SPATA13: variants seen among roughly 807,000 people sequenced by gnomAD.
SPATA13 encodes spermatogenesis associated 13.
A neutral mutation model predicts 104.0 loss-of-function variants in SPATA13; 50 were observed. That is an observed-to-expected ratio of 0.48 (90% CI 0.38 to 0.61). The LOEUF (loss-of-function observed/expected upper bound fraction) is 0.61. SPATA13 is among the 20% of genes least tolerant of loss of function. The probability of loss-of-function intolerance (pLI) is 0.00; values close to 1 mark genes in which losing one functional copy is unlikely to be tolerated. For synonymous variants in SPATA13, 606 were observed against 667.5 expected (o/e 0.91, Z 1.42); for missense variants, 1,524 against 1,690.6 (o/e 0.90, Z 1.73).
At chr13:23,980,667 C>A (rs973266274) in intron 1 of SPATA13, among the ~76,000 whole-genome samples, 1 of 152,196 alleles carries the variant, frequency 6.6e-6, no homozygotes, top group Non-Finnish European at 1.5e-5. Flanking sequence ...TCTTAGCTCA[C>A]TGAAACCTCT....
intron 3 of SPATA13, among the ~76,000 whole-genome samples, chr13:24,042,537 A>G (rs532568892): frequency 1.1e-4 from 16 of 152,322 alleles, no homozygotes; most frequent in African/African-American, 3.4e-4. Flanking sequence ...ACCGTGGACT[A>G]ACTCACATCT....
At position 24,223,063 on chromosome 13, in the gene SPATA13, T is replaced by A. The variant is rs753183522; in HGVS notation, c.134T>A (p.Leu45His). 1.3e-6 allele frequency: 2 copies of A among 1,551,666 alleles called. No individual in the cohort carries two copies. Among genetic ancestry groups the A allele is most frequent in the South Asian group, 2.4e-5 (2 of 84,064 alleles). Reference sequence around the variant, plus strand: ...AAAGACGCCAAGATGGTGACCTCCCTTGCGTGTGGAAATGGAGTCTGTGGC... The same window carrying A: ...AAAGACGCCAAGATGGTGACCTCCCATGCGTGTGGAAATGGAGTCTGTGGC... ...DLKDAKMVTS[L>H]ACGNGVCGCS... Residue 45 changes from leucine to histidine, a missense_variant, in exon 2 of 13, where the codon CTT (leucine) becomes CAT (histidine). Physicochemically the swap from Leu to His is moderately conservative, Grantham distance 99 (BLOSUM62 -3). This residue lies in a region of SPATA13 where 1,089 missense variants were observed against 1,135.9 expected (regional missense o/e 0.96). Transcript: ENST00000382108.
At chr13:24,273,645 A>G (rs1874772089) in intron 4 of SPATA13, among the ~76,000 whole-genome samples, 1 of 152,358 alleles carries the variant, frequency 6.6e-6, no homozygotes, top group African/African-American at 2.4e-5. Flanking sequence ...GAGTAGGGAC[A>G]GGATATAAAG....
At chr13:24,291,723 A>ACT (rs774822094) in intron 9 of SPATA13, among the ~76,000 whole-genome samples, 1 of 140,968 alleles carries the variant, frequency 7.1e-6, no homozygotes. Context: ...AACAAAATAC[A>ACT]CTCTCTCTCT....
chr13:24,271,313 TG>T (rs1422761845), intron 4 of SPATA13, among the ~76,000 whole-genome samples: 1 of 152,142 alleles, frequency 6.6e-6, no homozygotes, highest in African/African-American at 2.4e-5. Context: ...TACTGGTTTT[TG>T]CTTCTATTAC....
intron 3 of SPATA13, among the ~76,000 whole-genome samples, chr13:24,083,025 C>T (rs1209346430): frequency 6.6e-6 from 1 of 152,090 alleles, no homozygotes; most frequent in Non-Finnish European, 1.5e-5. Context: ...TGGAATAGCC[C>T]AAGCCTTCTA....
At chr13:24,021,946 C>T (rs145981300) in intron 3 of SPATA13, among the ~76,000 whole-genome samples, 2,269 of 152,066 alleles carry the variant, frequency 0.015, 23 homozygotes, top group Non-Finnish European at 0.023. Flanking sequence ...CTCCTGACCT[C>T]GTAATCTGCC....
chr13:24,014,952 G>A (rs1876643510), intron 2 of SPATA13, among the ~76,000 whole-genome samples: 2 of 146,362 alleles, frequency 1.4e-5, no homozygotes, highest in South Asian at 4.4e-4. Flanking sequence ...GTGCAGTGGC[G>A]CTATCTGGGC....
At chr13:24,225,351 T>G (rs1266184737) in intron 2 of SPATA13, among the ~76,000 whole-genome samples, 1 of 152,224 alleles carries the variant, frequency 6.6e-6, no homozygotes, top group African/African-American at 2.4e-5. Flanking sequence ...CCAGATGCAC[T>G]GTAGCTGGCT....
intron 1 of SPATA13, among the ~76,000 whole-genome samples, chr13:24,186,413 C>T (rs2138533865): frequency 6.6e-6 from 1 of 152,312 alleles, no homozygotes; most frequent in Non-Finnish European, 1.5e-5. Flanking sequence ...TGTATGTTTG[C>T]TGGCGACTGA....
At chr13:24,048,848 G>A (rs1172664590) in intron 3 of SPATA13, among the ~76,000 whole-genome samples, 1 of 151,968 alleles carries the variant, frequency 6.6e-6, no homozygotes, top group Non-Finnish European at 1.5e-5. Context: ...ATCGCATCCA[G>A]GAAAAGTTGT....
intron 3 of SPATA13, among the ~76,000 whole-genome samples, chr13:24,032,611 A>T (rs1008121714): frequency 6.6e-6 from 1 of 152,198 alleles, no homozygotes; most frequent in Non-Finnish European, 1.5e-5. Flanking sequence ...AGTAATGGAG[A>T]GTATAGAAGA....
intron 5 of SPATA13, among the ~76,000 whole-genome samples, chr13:24,284,834 C>G (rs1875808534): frequency 6.6e-6 from 1 of 152,152 alleles, no homozygotes; most frequent in South Asian, 2.1e-4. Flanking sequence ...CCTCCACTAT[C>G]TCATGTAATT....
intron 3 of SPATA13, among the ~76,000 whole-genome samples, chr13:24,018,805 A>G (rs1876831221): frequency 6.6e-6 from 1 of 152,226 alleles, no homozygotes; most frequent in Non-Finnish European, 1.5e-5. Context: ...TACAGCATTT[A>G]GGTTCCAACG....
intron 2 of SPATA13, among the ~76,000 whole-genome samples, chr13:24,005,258 T>C (rs1876170089): frequency 6.6e-6 from 1 of 152,232 alleles, no homozygotes; most frequent in African/African-American, 2.4e-5. Context: ...TTTTGATTCT[T>C]AAATTTTTAC....
chr13:24,033,934 A>C (rs1877580580), intron 3 of SPATA13: 1 of 152,198 alleles, frequency 6.6e-6, no homozygotes, highest in Non-Finnish European at 1.5e-5. Flanking sequence ...AGAAGAAGGC[A>C]ATGGTGTTTT....
chr13:24,119,817 C>T (rs748844899), intron 3 of SPATA13, among the ~76,000 whole-genome samples: 3 of 152,216 alleles, frequency 2.0e-5, no homozygotes, highest in Non-Finnish European at 4.4e-5. Flanking sequence ...GGCCAGCCCC[C>T]ACCGTGCATG....
chr13:24,169,426 A>C (rs756231744), intron 1 of SPATA13, among the ~76,000 whole-genome samples: 1 of 152,128 alleles, frequency 6.6e-6, no homozygotes. Context: ...ACAAGTCGTA[A>C]GGCGTGAGTA....
At chr13:24,189,405 C>T (rs1394921646) in intron 1 of SPATA13, among the ~76,000 whole-genome samples, 5 of 150,066 alleles carry the variant, frequency 3.3e-5, no homozygotes, top group Admixed American at 6.8e-5. Context: ...ACCCAGGGGG[C>T]GGAGCTTGCA....
Sources: gnomAD v4.1 joint callset for allele counts (sites outside exome capture counted in the v4.1 genomes callset) on GRCh38, gnomAD v4.1.1 for gene constraint, gnomAD v4.1.1 regional missense constraint, MANE v1.5 for transcripts, NCBI Gene and HGNC (gene_info 2026-07-23, HGNC 2026-07-21) for gene names.